Variants in DLGAP1 observed in about 807,000 individuals in gnomAD.
The protein encoded by DLGAP1 is DLG associated protein 1, also known as disks large-associated protein 1.
In DLGAP1, 11 loss-of-function variants were observed where a neutral mutation model predicts 90.8. The observed-to-expected ratio is 0.12, with a 90% confidence interval of 0.08 to 0.20. DLGAP1 has a LOEUF of 0.20. DLGAP1 is among the 10% of genes least tolerant of loss of function. The pLI, the probability that DLGAP1 is intolerant of heterozygous loss-of-function variation, is 1.00. For missense variants in DLGAP1, 1,050 were observed against 1,333.8 expected, an observed-to-expected ratio of 0.79 and a Z score of 3.31; for synonymous variants, 558 against 540.7, an observed-to-expected ratio of 1.03 and a Z score of -0.44.
chr18:4,252,249 T>C (rs564353237), intron 1 of DLGAP1, among the ~76,000 whole-genome samples: 1 of 152,346 alleles, frequency 6.6e-6, no homozygotes, highest in East Asian at 1.9e-4. Context: ...AATTTTGGGC[T>C]AGTCTCATTT....
intron 1 of DLGAP1, chr18:4,294,658 G>A (rs1285974469): frequency 6.6e-6 from 1 of 152,274 alleles, no homozygotes; most frequent in Non-Finnish European, 1.5e-5. Flanking sequence ...TGCTGTCCAA[G>A]TGTTAACTAG....
intron 1 of DLGAP1, among the ~76,000 whole-genome samples, chr18:4,257,701 T>G (rs1256782647): frequency 6.7e-6 from 1 of 149,936 alleles, no homozygotes; most frequent in Admixed American, 6.6e-5. Flanking sequence ...CTTGGCTCAC[T>G]GCAACCTCCA....
chr18:4,288,696 T>C (rs1175210051), intron 1 of DLGAP1, among the ~76,000 whole-genome samples: 1 of 151,852 alleles, frequency 6.6e-6, no homozygotes, highest in Non-Finnish European at 1.5e-5. Flanking sequence ...GTTTTAGGAG[T>C]TAGAATCATT....
intron 1 of DLGAP1, among the ~76,000 whole-genome samples, chr18:4,360,653 G>A (rs975902933): frequency 6.6e-6 from 1 of 152,156 alleles, no homozygotes; most frequent in Non-Finnish European, 1.5e-5. Context: ...AAAAGGAACA[G>A]AGAATGTTGA....
At chr18:3,982,094 GATAAA>G (rs2073743619) in intron 3 of DLGAP1, among the ~76,000 whole-genome samples, 1 of 152,166 alleles carries the variant, frequency 6.6e-6, no homozygotes, top group South Asian at 2.1e-4. Flanking sequence ...TCTTGGGGCA[GATAAA>G]ATAAAATAAA....
At chr18:4,273,069 C>A (rs1350604425) in intron 1 of DLGAP1, among the ~76,000 whole-genome samples, 2 of 151,906 alleles carry the variant, frequency 1.3e-5, no homozygotes, top group African/African-American at 2.4e-5. Context: ...GAACTTCTAG[C>A]CTCTAGAACT....
intron 1 of DLGAP1, among the ~76,000 whole-genome samples, chr18:4,333,896 G>A (rs547603179): frequency 4.7e-5 from 7 of 148,940 alleles, no homozygotes; most frequent in South Asian, 4.5e-4. Flanking sequence ...CACCGCGCCC[G>A]GCCATATTTT....
chr18:3,535,569 G>A (rs919724578), intron 9 of DLGAP1, among the ~76,000 whole-genome samples: 4 of 151,926 alleles, frequency 2.6e-5, no homozygotes, highest in African/African-American at 9.7e-5. Context: ...TTAGTCGGGC[G>A]TGGTGGTGGG....
chr18:3,663,201 G>A (rs1302403846), intron 7 of DLGAP1, among the ~76,000 whole-genome samples: 1 of 151,994 alleles, frequency 6.6e-6, no homozygotes, highest in African/African-American at 2.4e-5. Context: ...AATCTGGGAG[G>A]TGGAGGTTGT....
chr18:3,819,970 C>T lies in DLGAP1; in HGVS notation c.958-5697G>A, dbSNP rs187503443. On this transcript the variant is annotated intron_variant, in intron 4 of 12. Coordinates refer to ENST00000315677, the MANE Select transcript of DLGAP1 (RefSeq NM_004746.4). ...AGAACTACTCTATCAGATGTAGGAACGCTTAGTTTTAAAAGTCTCTCCCCA... is the reference window on the plus strand; with the variant it reads ...AGAACTACTCTATCAGATGTAGGAATGCTTAGTTTTAAAAGTCTCTCCCCA... Among the ~76,000 whole-genome samples the T allele has an allele frequency of 1.8e-3, 267 of 152,280 alleles. 3 individuals carry two copies. Among genetic ancestry groups the T allele is most frequent in the African/African-American group, 6.3e-3 (260 of 41,568 alleles).
At chr18:3,736,252 A>G (rs1049674457) in intron 6 of DLGAP1, among the ~76,000 whole-genome samples, 2 of 152,208 alleles carry the variant, frequency 1.3e-5, no homozygotes, top group African/African-American at 4.8e-5. Context: ...TGGACTTTCT[A>G]TAAATACAAT....
At chr18:4,031,905 T>C (rs746399470) in intron 2 of DLGAP1, among the ~76,000 whole-genome samples, 32 of 152,328 alleles carry the variant, frequency 2.1e-4, no homozygotes, top group Non-Finnish European at 4.3e-4. Context: ...TCTTGACATA[T>C]ATGAAACCAC....
rs377088012 is a variant in DLGAP1 at position 4,185,031 on chromosome 18, C to T, written c.-266-33744G>A. Among the ~76,000 whole-genome samples, 15 of 152,248 alleles carry T rather than the reference C, an allele frequency of 9.9e-5. No individual in the cohort carries two copies. In the East Asian group the frequency reaches 1.5e-3, roughly 16 times the overall value. On this transcript the variant is annotated intron_variant, in intron 1 of 12. Transcript: ENST00000315677. ...CACACATCCCTGTCTTCCCACTAGA[C>T]TGGATACTTTCCTAGTTATCTTTTC...
At chr18:3,713,330 G>A (rs1242164768) in intron 7 of DLGAP1, among the ~76,000 whole-genome samples, 2 of 152,214 alleles carry the variant, frequency 1.3e-5, no homozygotes, top group African/African-American at 4.8e-5. Context: ...GAGGAGATTA[G>A]GAGCAAAGAA....
intron 1 of DLGAP1, among the ~76,000 whole-genome samples, chr18:4,266,794 C>A (rs550079369): frequency 2.6e-5 from 4 of 152,306 alleles, no homozygotes; most frequent in East Asian, 3.9e-4. Flanking sequence ...TCTGGGCAAA[C>A]AAGCTGTCTG....
At chr18:4,220,600 T>C (rs1041278737) in intron 1 of DLGAP1, among the ~76,000 whole-genome samples, 2 of 152,160 alleles carry the variant, frequency 1.3e-5, no homozygotes, top group Non-Finnish European at 2.9e-5. Context: ...TTTCAAAACG[T>C]TTCCATTTGC....
chr18:3,762,888 A>G (rs2064034668), intron 5 of DLGAP1, among the ~76,000 whole-genome samples: 1 of 152,204 alleles, frequency 6.6e-6, no homozygotes, highest in Non-Finnish European at 1.5e-5. Context: ...AGGCACCCCG[A>G]ATGATACTTC....
chr18:3,840,833 G>C (rs1345711319), intron 4 of DLGAP1, among the ~76,000 whole-genome samples: 2 of 152,224 alleles, frequency 1.3e-5, no homozygotes, highest in Admixed American at 1.3e-4. Flanking sequence ...GTGGTAGAAA[G>C]AGCATTCAAA....
intron 3 of DLGAP1, among the ~76,000 whole-genome samples, chr18:3,943,535 T>C (rs1015666088): frequency 2.0e-5 from 3 of 151,872 alleles, no homozygotes; most frequent in African/African-American, 7.3e-5. Flanking sequence ...TTACTCCTTT[T>C]ATGAATTTGC....
Sources: gnomAD v4.1 joint callset for allele counts (sites outside exome capture counted in the v4.1 genomes callset) on GRCh38, gnomAD v4.1.1 for gene constraint, MANE v1.5 for transcripts, NCBI Gene and HGNC (gene_info 2026-07-23, HGNC 2026-07-21) for gene names.